The following SUPT3H variants were observed in gnomAD, a reference collection of about 807,000 sequenced individuals.
SUPT3H encodes SPT3 homolog, SAGA and STAGA complex component.
SUPT3H carries 44 observed loss-of-function variants against 44.3 expected under a neutral mutation model. The observed-to-expected ratio is 0.99, with a 90% confidence interval of 0.78 to 1.28. The LOEUF (loss-of-function observed/expected upper bound fraction) is 1.28, where lower values mean the gene tolerates loss of function less well. Ranked by LOEUF, SUPT3H falls within the 50% of genes most tolerant of loss-of-function variation. The pLI, the probability that SUPT3H is intolerant of heterozygous loss-of-function variation, is 0.00. For missense variants in SUPT3H, 380 were observed against 387.1 expected (o/e 0.98, Z 0.15); for synonymous variants, 124 against 125.6 (o/e 0.99, Z 0.09).
rs146564362 is a variant in SUPT3H at position 44,929,206 on chromosome 6, T to C, written c.912+3447A>G. 2.8e-4 allele frequency among the ~76,000 whole-genome samples: 43 copies of C among 152,286 alleles called. No homozygotes were observed. In the East Asian group the frequency reaches 7.1e-3, roughly 25 times the overall value. On this transcript the variant is annotated intron_variant, in intron 10 of 10. Coordinates refer to ENST00000371459, the MANE Select transcript of SUPT3H (RefSeq NM_003599.4). ...AAGGTGAAAAATTCACTTACAATTC[T>C]TTATATAATGAATTATATTCCTGAA...
intron 2 of SUPT3H, among the ~76,000 whole-genome samples, chr6:45,266,359 A>G (rs746743944): frequency 6.6e-6 from 1 of 151,928 alleles, no homozygotes; most frequent in Non-Finnish European, 1.5e-5. Context: ...CTTGGTAAAA[A>G]TTTCTAATGA....
chr6:44,825,483 A>G (rs1475766532), downstream of SUPT3H, among the ~76,000 whole-genome samples: 1 of 152,204 alleles, frequency 6.6e-6, no homozygotes, highest in Admixed American at 6.5e-5. Context: ...CTTTGGGATC[A>G]AAGTGCTGGG....
chr6:44,964,834 T>C (rs1170942947), intron 6 of SUPT3H, among the ~76,000 whole-genome samples: 1 of 152,166 alleles, frequency 6.6e-6, no homozygotes, highest in African/African-American at 2.4e-5. Flanking sequence ...TACAAAATCA[T>C]GGCTTAGAGA....
chr6:45,261,864 A>G (rs952654460), intron 2 of SUPT3H, among the ~76,000 whole-genome samples: 1 of 152,152 alleles, frequency 6.6e-6, no homozygotes, highest in Non-Finnish European at 1.5e-5. Flanking sequence ...AGAACTGGTA[A>G]ACAGGGTCAG....
At chr6:45,061,831 T>C (rs1421079448) in intron 3 of SUPT3H, among the ~76,000 whole-genome samples, 1 of 151,668 alleles carries the variant, frequency 6.6e-6, no homozygotes, top group Non-Finnish European at 1.5e-5. Context: ...TGTTCTGAGC[T>C]GTAAATTCAG....
intron 2 of SUPT3H, among the ~76,000 whole-genome samples, chr6:45,336,659 T>C (rs1788620010): frequency 6.6e-6 from 1 of 151,440 alleles, no homozygotes; most frequent in Non-Finnish European, 1.5e-5. Flanking sequence ...TTTTCTTGAC[T>C]ATAAAATTAA....
chr6:45,202,715 G>A (rs533248111), intron 2 of SUPT3H, among the ~76,000 whole-genome samples: 5 of 151,634 alleles, frequency 3.3e-5, no homozygotes, highest in East Asian at 3.9e-4. Context: ...AACCTAGAAC[G>A]GACAAAAAAT....
intron 2 of SUPT3H, chr6:45,328,785 G>GT: frequency 6.2e-7 from 1 of 1,611,862 alleles, no homozygotes; most frequent in Non-Finnish European, 8.5e-7. Flanking sequence ...TTCTTTTGGG[G>GT]TAAGTGTTAC....
chr6:44,812,446 C>A (rs1766596599), intron 11 of SUPT3H, among the ~76,000 whole-genome samples: 1 of 152,206 alleles, frequency 6.6e-6, no homozygotes, highest in African/African-American at 2.4e-5. Flanking sequence ...ACCCATTCTT[C>A]TGCTTTTAAG....
intron 3 of SUPT3H, among the ~76,000 whole-genome samples, chr6:45,029,747 T>C (rs1314909684): frequency 6.6e-6 from 1 of 152,190 alleles, no homozygotes; most frequent in East Asian, 1.9e-4. Flanking sequence ...ATTAATTAAC[T>C]GTAATTGATA....
rs575002241 is a variant in SUPT3H, at chr6:45,218,097, G to C, written c.102-112091C>G. Among the ~76,000 whole-genome samples the C allele has an allele frequency of 3.2e-4, 48 of 152,068 alleles. No homozygotes were observed. In the South Asian group the frequency reaches 3.7e-3, roughly 12 times the overall value. On this transcript the variant is annotated intron_variant, in intron 2 of 10. Transcript: ENST00000371459. ...AATTGTTGAAATATACCATTTAAAG[G>C]GGCAAAGTTGGGCAGAGTACATAAA...
chr6:45,204,182 G>A (rs1012555011), intron 2 of SUPT3H, among the ~76,000 whole-genome samples: 1 of 151,278 alleles, frequency 6.6e-6, no homozygotes, highest in Non-Finnish European at 1.5e-5. Context: ...AGGAGGTGGA[G>A]GTTGCAGTGA....
At chr6:44,896,310 T>C (rs1179169339) in intron 10 of SUPT3H, among the ~76,000 whole-genome samples, 1 of 152,154 alleles carries the variant, frequency 6.6e-6, no homozygotes, top group Non-Finnish European at 1.5e-5. Context: ...AAAATCATCA[T>C]CATCATTATT....
intron 3 of SUPT3H, among the ~76,000 whole-genome samples, chr6:45,088,661 G>A (rs889870145): frequency 3.9e-5 from 6 of 151,982 alleles, no homozygotes; most frequent in African/African-American, 9.7e-5. Context: ...CACGAACCCT[G>A]TGGGTTTTGC....
chr6:45,126,075 T>C (rs1216290816), intron 2 of SUPT3H, among the ~76,000 whole-genome samples: 1 of 152,190 alleles, frequency 6.6e-6, no homozygotes, highest in East Asian at 1.9e-4. Flanking sequence ...CATTTCAATG[T>C]CACCTGGATG....
intron 3 of SUPT3H, among the ~76,000 whole-genome samples, chr6:45,025,814 C>T (rs895833272): frequency 1.5e-4 from 23 of 149,190 alleles, no homozygotes; most frequent in Non-Finnish European, 3.0e-4. Context: ...ACCCAAGAGG[C>T]GGAGCTTTCA....
intron 2 of SUPT3H, among the ~76,000 whole-genome samples, chr6:45,232,724 A>G (rs534882551): frequency 1.1e-3 from 167 of 152,244 alleles, no homozygotes; most frequent in African/African-American, 3.6e-3. Flanking sequence ...TCCCAGACAC[A>G]CAACTCTCAG....
At chr6:45,089,684 A>ATT (rs11438698) in intron 3 of SUPT3H, among the ~76,000 whole-genome samples, 100 of 151,118 alleles carry the variant, frequency 6.6e-4, no homozygotes, top group Middle Eastern at 6.8e-3. Context: ...GCAGCTCTAC[A>ATT]TTTTTTTTTC....
chr6:45,368,162 C>G (rs549329415), intron 1 of SUPT3H, among the ~76,000 whole-genome samples: 1 of 152,248 alleles, frequency 6.6e-6, no homozygotes, highest in African/African-American at 2.4e-5. Context: ...TTTCAGCTTT[C>G]AATTGAAAAT....
Sources: gnomAD v4.1 joint callset for allele counts (sites outside exome capture counted in the v4.1 genomes callset) on GRCh38, gnomAD v4.1.1 for gene constraint, MANE v1.5 for transcripts, NCBI Gene and HGNC (gene_info 2026-07-23, HGNC 2026-07-21) for gene names.